The following STK32A variants were observed in gnomAD, a reference collection of about 807,000 sequenced individuals.
The protein encoded by STK32A is serine/threonine-protein kinase 32A.
STK32A carries 41 observed loss-of-function variants against 53.2 expected under a neutral mutation model. That is an observed-to-expected ratio of 0.77 (90% confidence interval 0.60 to 1.00). The LOEUF is 1.00. Ranked by LOEUF, STK32A falls within the 50% of genes least tolerant of loss-of-function variation. The probability of loss-of-function intolerance (pLI) is 0.00; values close to 1 mark genes in which losing one functional copy is unlikely to be tolerated. For synonymous variants in STK32A, 166 were observed against 162.8 expected, an observed-to-expected ratio of 1.02 and a Z score of -0.15; for missense variants, 458 against 485.8, an observed-to-expected ratio of 0.94 and a Z score of 0.54.
At chr5:147,373,614 GT>G (rs201295381) in intron 10 of STK32A, among the ~76,000 whole-genome samples, 29 of 151,968 alleles carry the variant, frequency 1.9e-4, no homozygotes, top group Non-Finnish European at 5.9e-5. Context: ...ATCTGCTGGG[GT>G]TTTTTTTAAG....
intron 2 of STK32A, among the ~76,000 whole-genome samples, chr5:147,256,663 C>G (rs976557239): frequency 9.9e-5 from 15 of 152,056 alleles, no homozygotes; most frequent in African/African-American, 3.6e-4. Context: ...AGGCATGCAC[C>G]ACCATGCCTG....
rs1751941168 is a variant in STK32A at position 147,279,481 on chromosome 5, T to C, written c.260+83T>C. ...GAGGTCCCCAAATGCCTCTGGGACC[T>C]CAGCCCTGGCTGGTATCCAGGCTCT... is the stretch of plus-strand genomic sequence containing the variant. On this transcript the variant is annotated intron_variant, in intron 4 of 12. Transcript: ENST00000397936. 7.0e-6 allele frequency: 9 copies of C among 1,289,606 alleles called. No individual in the cohort carries two copies. The South Asian group carries it at 1.2e-4, about 17-fold the overall frequency. The allele number at this position is 1,289,606 out of a possible 1,614,324, so 79.9% of individuals were successfully genotyped here.
chr5:147,321,850 T>C (rs1274887903), intron 4 of STK32A, among the ~76,000 whole-genome samples: 1 of 152,182 alleles, frequency 6.6e-6, no homozygotes, highest in Non-Finnish European at 1.5e-5. Flanking sequence ...CATCTAATTA[T>C]TTTTATGGTT....
chr5:147,259,913 CCCTCT>C (rs1754432574), intron 2 of STK32A, among the ~76,000 whole-genome samples: 2 of 131,486 alleles, frequency 1.5e-5, no homozygotes, highest in Admixed American at 7.5e-5. Flanking sequence ...TCTCTCTCTC[CCCTCT>C]TGTCTCTCAC....
rs1039967096 is a variant in STK32A, at chr5:147,384,501, G to T, written c.*518G>T. ...GAATTCTATCAGGGAGGCATGAATG[G>T]AATCAGATTAAAAGTAACAGAGATG... On this transcript the variant is annotated 3_prime_UTR_variant, in exon 13 of 13. Transcript: ENST00000397936. 1.3e-5 allele frequency: 17 copies of T among 1,350,082 alleles called. No homozygotes were observed. The highest frequency in any genetic ancestry group is 1.7e-5 in the Non-Finnish European group (17 of 982,290). 83.6% of individuals were successfully genotyped at this position (1,350,082 alleles called of 1,614,324 possible).
intron 6 of STK32A, among the ~76,000 whole-genome samples, chr5:147,350,450 C>T (rs957591748): frequency 2.6e-5 from 4 of 151,956 alleles, no homozygotes; most frequent in African/African-American, 9.7e-5. Flanking sequence ...CAACCTCTGC[C>T]TCCCAGGTTC....
At chr5:147,333,384 T>C (rs1754968371) in intron 5 of STK32A, among the ~76,000 whole-genome samples, 1 of 152,210 alleles carries the variant, frequency 6.6e-6, no homozygotes, top group Non-Finnish European at 1.5e-5. Context: ...TGAAGATATT[T>C]TATTTGCTCA....
intron 4 of STK32A, among the ~76,000 whole-genome samples, chr5:147,311,741 C>T (rs906362037): frequency 3.9e-5 from 6 of 152,100 alleles, no homozygotes; most frequent in Admixed American, 6.5e-5. Flanking sequence ...AATTTAAAAA[C>T]AGAAGCCAAC....
intron 5 of STK32A, among the ~76,000 whole-genome samples, chr5:147,327,537 A>G (rs1279968385): frequency 1.3e-5 from 2 of 152,216 alleles, no homozygotes; most frequent in Non-Finnish European, 2.9e-5. Flanking sequence ...GACATGGTAG[A>G]AGATTCAAAA....
At chr5:147,394,717 C>T in the STK32A span, among the ~76,000 whole-genome samples, 1 of 151,884 alleles carries the variant, frequency 6.6e-6, no homozygotes, top group Non-Finnish European at 1.5e-5. Flanking sequence ...AAAAAAATTG[C>T]TTATGACTAG....
intron 2 of STK32A, among the ~76,000 whole-genome samples, chr5:147,249,694 C>T (rs1038839488): frequency 2.0e-5 from 3 of 151,874 alleles, no homozygotes; most frequent in African/African-American, 7.3e-5. Flanking sequence ...GGGTGGATCG[C>T]CTGAGGTCAG....
intron 2 of STK32A, among the ~76,000 whole-genome samples, chr5:147,245,993 G>A (rs1028066203): frequency 1.2e-4 from 19 of 152,130 alleles, no homozygotes; most frequent in South Asian, 4.1e-4. Flanking sequence ...GAAGGACATC[G>A]AAAATTTCTT....
intron 4 of STK32A, among the ~76,000 whole-genome samples, chr5:147,307,535 T>A (rs1261563003): frequency 6.9e-6 from 1 of 144,586 alleles, no homozygotes; most frequent in East Asian, 2.1e-4. Flanking sequence ...GGCATGAGAA[T>A]CCCATGAATC....
rs894886446 is a variant in STK32A, at chr5:147,343,335, G to C, written c.472+292G>C. On this transcript the variant is annotated intron_variant, in intron 6 of 12. Transcript: ENST00000397936. The stretch of plus-strand genomic sequence containing the variant: ...AAACCATCACAACTTTTCAGTGTTA[G>C]CTGGCCTTAATATAACACGCAATCA... The C allele has an allele frequency of 7.1e-6, 4 of 566,878 alleles. No homozygotes were observed. In the African/African-American group the frequency reaches 7.5e-5, roughly 11 times the overall value. 35.1% of individuals were successfully genotyped at this position (566,878 alleles called of 1,614,324 possible).
At chr5:147,380,794 T>C (rs191191767) in intron 11 of STK32A, among the ~76,000 whole-genome samples, 1 of 152,340 alleles carries the variant, frequency 6.6e-6, no homozygotes, top group Non-Finnish European at 1.5e-5. Flanking sequence ...GAACATTCTA[T>C]CAGGATTCAG....
At chr5:147,347,604 G>C (rs780680131) in intron 6 of STK32A, among the ~76,000 whole-genome samples, 1 of 152,110 alleles carries the variant, frequency 6.6e-6, no homozygotes, top group Non-Finnish European at 1.5e-5. Flanking sequence ...AAAATTATCA[G>C]GTCCAATATT....
chr5:147,361,426 C>A, intron 7 of STK32A, 91 bp from the exon 8 acceptor site: 1 of 851,812 alleles, frequency 1.2e-6, no homozygotes, highest in South Asian at 1.5e-5. Context: ...TATTTTTGAT[C>A]CTGGTAATTC....
At chr5:147,292,267 C>T (rs1752633319) in intron 4 of STK32A, among the ~76,000 whole-genome samples, 1 of 152,178 alleles carries the variant, frequency 6.6e-6, no homozygotes, top group African/African-American at 2.4e-5. Context: ...TGTCATTTCA[C>T]CCAAAGCCTT....
downstream of STK32A, among the ~76,000 whole-genome samples, chr5:147,390,478 CAA>C (rs151186049): frequency 5.4e-5 from 6 of 110,844 alleles, no homozygotes; most frequent in Non-Finnish European, 8.3e-5. Context: ...GGGGAAAGAC[CAA>C]AAAAAAAAAA....
Sources: allele counts gnomAD v4.1 joint callset (sites outside exome capture counted in the v4.1 genomes callset), GRCh38; gene constraint gnomAD v4.1.1; transcripts MANE v1.5; gene names NCBI Gene and HGNC (gene_info 2026-07-23, HGNC 2026-07-21).